The following GRIA1 variants were observed in gnomAD, a reference collection of about 807,000 sequenced individuals.
GRIA1 encodes the protein glutamate receptor 1.
GRIA1 carries 31 observed loss-of-function variants against 99.2 expected under a neutral mutation model. The observed-to-expected ratio is 0.31, with a 90% CI of 0.23 to 0.42. The LOEUF (loss-of-function observed/expected upper bound fraction) is 0.42, where lower values mean the gene tolerates loss of function less well. Ranked by LOEUF, GRIA1 falls within the 10% of genes least tolerant of loss-of-function variation. The pLI is 1.00. For synonymous variants in GRIA1, 438 were observed against 432.4 expected, an observed-to-expected ratio of 1.01 and a Z score of -0.16; for missense variants, 782 against 1,157.5, an observed-to-expected ratio of 0.68 and a Z score of 4.71.
intron 11 of GRIA1, among the ~76,000 whole-genome samples, chr5:153,760,528 G>A (rs768945021): frequency 2.6e-5 from 4 of 151,926 alleles, no homozygotes; most frequent in African/African-American, 9.7e-5. Context: ...AATTTAAGAG[G>A]ACACAAGCAA....
At chr5:153,780,653 C>T (rs905996371) in intron 13 of GRIA1, among the ~76,000 whole-genome samples, 1 of 152,178 alleles carries the variant, frequency 6.6e-6, no homozygotes, top group African/African-American at 2.4e-5. Context: ...ATCTTCCAAT[C>T]GAGATCTTCC....
intron 7 of GRIA1, among the ~76,000 whole-genome samples, chr5:153,679,558 C>T (rs1209390411): frequency 6.6e-6 from 1 of 152,230 alleles, no homozygotes; most frequent in African/African-American, 2.4e-5. Context: ...TAGGTCTGTG[C>T]TATGGGCCCA....
Position 153,706,017 on chromosome 5 carries a change from G to A in GRIA1, c.1773G>A (p.Leu591=). The change falls in exon 11 of 16, where the codon TTG becomes TTA. Residue 591 remains leucine, a synonymous_variant. Transcript: ENST00000285900. ...ATGAGTTTGGGATATTCAACAGTTT[G>A]TGGTTCTCCCTGGGAGCCTTCATGC... The part of the protein sequence containing the change: ...QSNEFGIFNS[L]WFSLGAFMQQ... 2.5e-6 allele frequency: 4 copies of A among 1,613,922 alleles called. No homozygotes were observed. The highest frequency in any genetic ancestry group is 3.4e-6 in the Non-Finnish European group (4 of 1,179,840).
intron 15 of GRIA1, among the ~76,000 whole-genome samples, chr5:153,805,906 A>G (rs1001578064): frequency 2.0e-5 from 3 of 152,296 alleles, no homozygotes; most frequent in South Asian, 2.1e-4. Flanking sequence ...GATTGGTGTG[A>G]CTTCTACCCA....
intron 7 of GRIA1, among the ~76,000 whole-genome samples, chr5:153,684,695 A>T (rs962812136): frequency 6.6e-6 from 1 of 152,210 alleles, no homozygotes; most frequent in African/African-American, 2.4e-5. Flanking sequence ...GAGATTACTG[A>T]GGTGATAAGA....
chr5:153,618,552 G>A (rs1313568592), intron 2 of GRIA1, among the ~76,000 whole-genome samples: 2 of 152,178 alleles, frequency 1.3e-5, no homozygotes, highest in African/African-American at 4.8e-5. Context: ...AGCTGACAAG[G>A]AGGGAAGGCC....
chr5:153,615,108 C>A (rs1240278708), intron 2 of GRIA1, among the ~76,000 whole-genome samples: 1 of 152,114 alleles, frequency 6.6e-6, no homozygotes, highest in Non-Finnish European at 1.5e-5. Context: ...CAATAATGAG[C>A]CTTGTTCAGT....
intron 2 of GRIA1, among the ~76,000 whole-genome samples, chr5:153,582,422 A>C (rs72802644): frequency 0.1 from 15,275 of 152,190 alleles, 906 homozygotes; most frequent in South Asian, 0.25. Context: ...TCAAATAGAT[A>C]TTTGATCCAT....
intron 2 of GRIA1, among the ~76,000 whole-genome samples, chr5:153,553,696 C>G (rs767521034): frequency 2.6e-5 from 4 of 152,162 alleles, no homozygotes; most frequent in Non-Finnish European, 5.9e-5. Flanking sequence ...TAAACTCCAC[C>G]ATTTTGCCTC....
At chr5:153,796,498 G>A (rs549074061) in intron 14 of GRIA1, among the ~76,000 whole-genome samples, 18 of 152,304 alleles carry the variant, frequency 1.2e-4, no homozygotes, top group African/African-American at 4.1e-4. Flanking sequence ...ACTGAGGGCT[G>A]CTGCTTCTTA....
At chr5:153,509,847 T>C (rs1755891046) in intron 2 of GRIA1, among the ~76,000 whole-genome samples, 1 of 152,200 alleles carries the variant, frequency 6.6e-6, no homozygotes, top group African/African-American at 2.4e-5. Flanking sequence ...GTTTGTTCAA[T>C]TTAATTGTTT....
chr5:153,544,256 G>T (rs1179622482), intron 2 of GRIA1, among the ~76,000 whole-genome samples: 1 of 152,158 alleles, frequency 6.6e-6, no homozygotes, highest in Admixed American at 6.5e-5. Flanking sequence ...GTCTCTGAAG[G>T]CTCAGTCAAG....
chr5:153,667,130 T>C (rs151076095), intron 5 of GRIA1, among the ~76,000 whole-genome samples: 11 of 152,366 alleles, frequency 7.2e-5, no homozygotes, highest in Non-Finnish European at 1.2e-4. Flanking sequence ...ATTCAGAGTA[T>C]ACAGTACAAG....
intron 10 of GRIA1, among the ~76,000 whole-genome samples, chr5:153,703,644 G>A (rs932395003): frequency 3.3e-5 from 5 of 152,118 alleles, no homozygotes; most frequent in Non-Finnish European, 4.4e-5. Flanking sequence ...GGAGGCTGAG[G>A]CATGAGCATT....
intron 11 of GRIA1, among the ~76,000 whole-genome samples, chr5:153,712,075 G>T (rs1447922930): frequency 2.6e-5 from 4 of 151,922 alleles, no homozygotes; most frequent in Non-Finnish European, 5.9e-5. Flanking sequence ...TTCCAAGACC[G>T]AGTCTTGCTC....
chr5:153,684,274 A>G (rs1236427199), intron 7 of GRIA1, among the ~76,000 whole-genome samples: 1 of 152,224 alleles, frequency 6.6e-6, no homozygotes, highest in African/African-American at 2.4e-5. Flanking sequence ...TAATATTAGT[A>G]TTAAGTATCA....
intron 15 of GRIA1, among the ~76,000 whole-genome samples, chr5:153,808,612 T>C (rs1766601130): frequency 6.6e-6 from 1 of 152,192 alleles, no homozygotes; most frequent in Non-Finnish European, 1.5e-5. Flanking sequence ...CACCAGCATC[T>C]CTAGGATAGG....
chr5:153,684,982 C>T (rs1286818104), intron 7 of GRIA1, among the ~76,000 whole-genome samples: 1 of 152,206 alleles, frequency 6.6e-6, no homozygotes, highest in Admixed American at 6.5e-5. Flanking sequence ...CACGCATTCT[C>T]TCTCTCACTC....
At chr5:153,491,204 C>A in intron 1 of GRIA1, 1 of 1,257,904 alleles carries the variant, frequency 7.9e-7, no homozygotes, top group Non-Finnish European at 1.0e-6. Flanking sequence ...ACTCGCACTC[C>A]AGGCAAGAGC....
Sources: gnomAD v4.1 joint callset for allele counts (sites outside exome capture counted in the v4.1 genomes callset) on GRCh38, gnomAD v4.1.1 for gene constraint, MANE v1.5 for transcripts, NCBI Gene and HGNC (gene_info 2026-07-23, HGNC 2026-07-21) for gene names.